ATXN1: variants seen among roughly 807,000 people sequenced by gnomAD.
ATXN1 encodes the protein ataxin-1.
ATXN1 carries 8 observed loss-of-function variants against 56.4 expected under a neutral mutation model. The observed-to-expected ratio is 0.14, with a 90% CI of 0.08 to 0.26. ATXN1 has a LOEUF of 0.26. ATXN1 is among the 10% of genes least tolerant of loss of function. The pLI is 1.00. For missense variants in ATXN1, 987 were observed against 1,106.5 expected, an observed-to-expected ratio of 0.89 and a Z score of 1.53; for synonymous variants, 514 against 494.6, an observed-to-expected ratio of 1.04 and a Z score of -0.52.
chr6:16,336,696 G>A (rs920807441), intron 6 of ATXN1, among the ~76,000 whole-genome samples: 3 of 152,170 alleles, frequency 2.0e-5, no homozygotes, highest in Non-Finnish European at 2.9e-5. Flanking sequence ...CCCTGAGTCC[G>A]TGGCAGCCAG....
At chr6:16,423,965 C>G (rs533657323) in intron 6 of ATXN1, among the ~76,000 whole-genome samples, 14 of 152,196 alleles carry the variant, frequency 9.2e-5, no homozygotes, top group African/African-American at 3.4e-4. Flanking sequence ...AGAGCTATGG[C>G]TGTGCCTATA....
At chr6:16,759,057 G>C (rs2113550337) in intron 1 of ATXN1, among the ~76,000 whole-genome samples, 1 of 152,324 alleles carries the variant, frequency 6.6e-6, no homozygotes, top group African/African-American at 2.4e-5. Context: ...GGGGCTTCTA[G>C]GAACTGCAGC....
chr6:16,462,529 T>G (rs964774146), intron 6 of ATXN1, among the ~76,000 whole-genome samples: 1 of 152,236 alleles, frequency 6.6e-6, no homozygotes, highest in Non-Finnish European at 1.5e-5. Flanking sequence ...ATCACATTAT[T>G]AAGCAGTATA....
At chr6:16,755,646 A>T (rs1760865960) in intron 1 of ATXN1, among the ~76,000 whole-genome samples, 1 of 152,058 alleles carries the variant, frequency 6.6e-6, no homozygotes, top group Non-Finnish European at 1.5e-5. Context: ...GTTAGTAGCT[A>T]CAATAACTGT....
At chr6:16,439,341 G>C (rs866563608) in intron 6 of ATXN1, among the ~76,000 whole-genome samples, 4 of 4,500 alleles carry the variant, frequency 8.9e-4, no homozygotes, top group African/African-American at 2.1e-3. Flanking sequence ...CTTTTCGCGG[G>C]GGGGGGGGGG....
chr6:16,508,415 C>T (rs73366798), intron 5 of ATXN1, among the ~76,000 whole-genome samples: 6,344 of 152,014 alleles, frequency 0.042, 441 homozygotes, highest in African/African-American at 0.14. Flanking sequence ...TCCTTAAATG[C>T]TTATAGACAA....
intron 4 of ATXN1, among the ~76,000 whole-genome samples, chr6:16,580,405 T>C (rs1441909166): frequency 6.6e-6 from 1 of 152,214 alleles, no homozygotes; most frequent in African/African-American, 2.4e-5. Context: ...AAAGTTGGAT[T>C]TCTACCTCGA....
chr6:16,576,347 C>T (rs1215466899), intron 4 of ATXN1, among the ~76,000 whole-genome samples: 1 of 152,152 alleles, frequency 6.6e-6, no homozygotes, highest in Non-Finnish European at 1.5e-5. Context: ...AATAAACAAA[C>T]AGTGGGGGCA....
intron 5 of ATXN1, among the ~76,000 whole-genome samples, chr6:16,509,796 C>T (rs1396053725): frequency 6.6e-6 from 1 of 152,216 alleles, no homozygotes; most frequent in Non-Finnish European, 1.5e-5. Context: ...TCCAGAGTTT[C>T]CATCCCAGAC....
chr6:16,694,250 TTC>T (rs1759110519), intron 2 of ATXN1, among the ~76,000 whole-genome samples: 3 of 143,938 alleles, frequency 2.1e-5, no homozygotes, highest in Non-Finnish European at 4.6e-5. Flanking sequence ...TTTTTTTTTT[TTC>T]TTTTTTTTTT....
chr6:16,389,552 A>AATGAAGGGG (rs1302052607), intron 6 of ATXN1, among the ~76,000 whole-genome samples: 1 of 152,154 alleles, frequency 6.6e-6, no homozygotes, highest in East Asian at 1.9e-4. Context: ...CTACTGAATG[A>AATGAAGGGG]ATGAAGGGGA....
intron 5 of ATXN1, among the ~76,000 whole-genome samples, chr6:16,521,335 G>A (rs886944525): frequency 2.2e-4 from 34 of 152,138 alleles, no homozygotes; most frequent in African/African-American, 6.8e-4. Context: ...AGGCCGAGGC[G>A]GATCACGAGG....
chr6:16,746,207 CCTCT>C (rs139050317), intron 2 of ATXN1, among the ~76,000 whole-genome samples: 27 of 152,266 alleles, frequency 1.8e-4, no homozygotes, highest in African/African-American at 5.8e-4. Flanking sequence ...TTTCACCCTC[CCTCT>C]CTGTCTATGA....
rs1371619113 is a variant in ATXN1 at position 16,299,880 on chromosome 6, G to C, written c.*6449C>G. The C allele has an allele frequency of 1.3e-5, 2 of 152,652 alleles. No individual in the cohort carries two copies. The highest frequency in any genetic ancestry group is 4.8e-5 in the African/African-American group (2 of 41,454). 9.5% of individuals were successfully genotyped at this position (152,652 alleles called of 1,614,324 possible). ...ACAGAACTGAATGCACAGGTATCAAGTTCAAATGCACTAACTAAAGGATTT... is the reference window on the plus strand; with the variant it reads ...ACAGAACTGAATGCACAGGTATCAACTTCAAATGCACTAACTAAAGGATTT... On this transcript the variant is annotated 3_prime_UTR_variant, in exon 8 of 8. Transcript: ENST00000436367.
At chr6:16,734,120 G>A (rs1028818379) in intron 2 of ATXN1, among the ~76,000 whole-genome samples, 1 of 152,160 alleles carries the variant, frequency 6.6e-6, no homozygotes, top group Non-Finnish European at 1.5e-5. Context: ...ATAGACTATA[G>A]AGTTAAGATT....
intron 4 of ATXN1, among the ~76,000 whole-genome samples, chr6:16,535,514 T>C (rs1761579720): frequency 6.6e-6 from 1 of 152,188 alleles, no homozygotes; most frequent in East Asian, 1.9e-4. Context: ...ATAAACAACA[T>C]AGTACTGGAT....
rs1386033299 is a variant in ATXN1 at position 16,304,763 on chromosome 6, AG to A, written c.*1565del. On this transcript the variant is annotated 3_prime_UTR_variant, in exon 8 of 8. Coordinates refer to ENST00000436367, the MANE Select transcript of ATXN1 (RefSeq NM_001128164.2). ...CACAATGTTATTGGATAAAAACTGC[AG>A]GAATATCACACAAGTTATAAACTCA... is the stretch of plus-strand genomic sequence containing the variant. 4 of 152,706 alleles carry A rather than the reference AG, an allele frequency of 2.6e-5. No individual in the cohort carries two copies. Among genetic ancestry groups the A allele is most frequent in the African/African-American group, 9.6e-5 (4 of 41,476 alleles). 9.5% of individuals were successfully genotyped at this position (152,706 alleles called of 1,614,324 possible).
At chr6:16,477,050 C>T (rs1480564374) in intron 6 of ATXN1, among the ~76,000 whole-genome samples, 2 of 152,176 alleles carry the variant, frequency 1.3e-5, no homozygotes, top group Non-Finnish European at 1.5e-5. Flanking sequence ...CGTCATACTT[C>T]CTGTCATCTG....
At chr6:16,671,324 T>TG (rs1758537313) in intron 2 of ATXN1, among the ~76,000 whole-genome samples, 1 of 146,850 alleles carries the variant, frequency 6.8e-6, no homozygotes, top group African/African-American at 2.5e-5. Flanking sequence ...TTTTTTTTTT[T>TG]GCAGTAACGT....
Sources: allele counts gnomAD v4.1 joint callset (sites outside exome capture counted in the v4.1 genomes callset), GRCh38; gene constraint gnomAD v4.1.1; transcripts MANE v1.5; gene names NCBI Gene and HGNC (gene_info 2026-07-23, HGNC 2026-07-21).